CGNL1: variants seen among roughly 807,000 people sequenced by gnomAD.
CGNL1 encodes the protein cingulin like 1, also known as cingulin-like protein 1.
CGNL1 carries 132 observed loss-of-function variants against 141.2 expected under a neutral mutation model. That is an observed-to-expected ratio of 0.93 (90% CI 0.81 to 1.08). CGNL1 has a LOEUF of 1.08. Among genes scored for constraint, CGNL1 ranks in the 50% least tolerant of loss-of-function variants. The pLI, the probability that CGNL1 is intolerant of heterozygous loss-of-function variation, is 0.00. For synonymous variants in CGNL1, 690 were observed against 622.1 expected (o/e 1.11, Z -1.63); for missense variants, 1,870 against 1,588.6 (o/e 1.18, Z -3.01).
In CGNL1 at chr15:57,483,159, A is replaced by G. The variant is rs78799734; in HGVS notation, c.2403+21267A>G. The stretch of plus-strand genomic sequence containing the variant: ...ATTTTGCTGAAGTTTTGATAGGTTG[A>G]GTATGACTATGTTGAGTATTCCAGT... On this transcript the variant is annotated intron_variant, in intron 8 of 18. Transcript: ENST00000281282. Among the ~76,000 whole-genome samples the G allele has an allele frequency of 8.8e-3, 1,346 of 152,282 alleles. 22 individuals are homozygous for G. The highest frequency in any genetic ancestry group is 0.031 in the African/African-American group (1,279 of 41,558).
intron 8 of CGNL1, among the ~76,000 whole-genome samples, chr15:57,499,173 G>A (rs1265076055): frequency 6.6e-6 from 1 of 151,758 alleles, no homozygotes; most frequent in Non-Finnish European, 1.5e-5. Flanking sequence ...CATGGCAGTG[G>A]TAGAGGTGGA....
At chr15:57,448,151 A>G (rs142059857) in intron 4 of CGNL1, among the ~76,000 whole-genome samples, 2 of 152,160 alleles carry the variant, frequency 1.3e-5, no homozygotes, top group African/African-American at 2.4e-5. Context: ...TACAAAAACC[A>G]TATTTAAAAA....
intron 8 of CGNL1, among the ~76,000 whole-genome samples, chr15:57,469,876 T>C (rs999453318): frequency 6.6e-5 from 10 of 152,214 alleles, no homozygotes; most frequent in Non-Finnish European, 1.2e-4. Flanking sequence ...CTGAAGAGGT[T>C]CTTCCAAAGC....
chr15:57,533,214 G>C (rs1447683805), intron 14 of CGNL1, among the ~76,000 whole-genome samples: 1 of 152,166 alleles, frequency 6.6e-6, no homozygotes, highest in Non-Finnish European at 1.5e-5. Flanking sequence ...AGTGGGTTCT[G>C]TCTGCGTGTT....
chr15:57,416,711 G>A (rs1309329572), intron 1 of CGNL1, among the ~76,000 whole-genome samples: 3 of 152,162 alleles, frequency 2.0e-5, no homozygotes, highest in Non-Finnish European at 2.9e-5. Flanking sequence ...TTGGTTACCT[G>A]GAAACTGCAT....
At chr15:57,409,298 G>C (rs1483058755) in intron 1 of CGNL1, among the ~76,000 whole-genome samples, 1 of 152,216 alleles carries the variant, frequency 6.6e-6, no homozygotes, top group African/African-American at 2.4e-5. Flanking sequence ...GCGCAGGGGA[G>C]GCACATGGGC....
intron 1 of CGNL1, among the ~76,000 whole-genome samples, chr15:57,417,177 C>T (rs868582711): frequency 3.3e-5 from 5 of 152,300 alleles, no homozygotes; most frequent in Middle Eastern, 3.4e-3. Flanking sequence ...TATTACGTAT[C>T]TAGTTTGTTT....
At chr15:57,433,190 A>T (rs975996115) in intron 1 of CGNL1, among the ~76,000 whole-genome samples, 2 of 152,196 alleles carry the variant, frequency 1.3e-5, no homozygotes, top group East Asian at 3.8e-4. Flanking sequence ...AAATATGCCA[A>T]TGCTGCTCAG....
intron 8 of CGNL1, among the ~76,000 whole-genome samples, chr15:57,487,387 G>A (rs993976652): frequency 2.0e-5 from 3 of 152,074 alleles, no homozygotes; most frequent in Non-Finnish European, 4.4e-5. Context: ...AAAAGAGGAG[G>A]ATTGGTTTAT....
chr15:57,477,467 T>C (rs796356252), intron 8 of CGNL1: 138 of 152,306 alleles, frequency 9.1e-4, no homozygotes, highest in African/African-American at 3.3e-3. Context: ...AGTGAGGTTG[T>C]CCGATAGAGT....
At chr15:57,481,311 C>A (rs1419426259) in intron 8 of CGNL1, among the ~76,000 whole-genome samples, 1 of 152,140 alleles carries the variant, frequency 6.6e-6, no homozygotes, top group Non-Finnish European at 1.5e-5. Flanking sequence ...CCGCATTCTT[C>A]ATGTTGTCCT....
chr15:57,414,258 C>G (rs1172448707), intron 1 of CGNL1, among the ~76,000 whole-genome samples: 1 of 152,058 alleles, frequency 6.6e-6, no homozygotes, highest in South Asian at 2.1e-4. Context: ...TCAGAGGCTC[C>G]GAAGAAGGCA....
intron 8 of CGNL1, among the ~76,000 whole-genome samples, chr15:57,476,284 C>G (rs1302705870): frequency 3.9e-5 from 6 of 152,122 alleles, no homozygotes; most frequent in African/African-American, 1.4e-4. Flanking sequence ...AGCAAGGTGA[C>G]TTATGGGTGG....
intron 1 of CGNL1, among the ~76,000 whole-genome samples, chr15:57,390,355 T>C (rs1193938920): frequency 1.3e-5 from 2 of 152,220 alleles, no homozygotes; most frequent in African/African-American, 4.8e-5. Context: ...CAAGCAGAAA[T>C]GCTGGAAGCC....
intron 4 of CGNL1, among the ~76,000 whole-genome samples, chr15:57,448,124 T>C (rs1275958219): frequency 6.6e-6 from 1 of 151,840 alleles, no homozygotes; most frequent in East Asian, 1.9e-4. Flanking sequence ...CTGAGCAACA[T>C]AGTGAGATCC....
At chr15:57,524,263 C>T (rs757534321) in intron 11 of CGNL1, among the ~76,000 whole-genome samples, 2 of 152,208 alleles carry the variant, frequency 1.3e-5, no homozygotes, top group Non-Finnish European at 2.9e-5. Context: ...GATATGATTT[C>T]GGTGTTTCCA....
intron 8 of CGNL1, among the ~76,000 whole-genome samples, chr15:57,482,763 A>G (rs1026519972): frequency 3.3e-5 from 5 of 150,648 alleles, no homozygotes; most frequent in Admixed American, 1.3e-4. Context: ...TATTCTAGTT[A>G]CTTTACCTTT....
chr15:57,546,846 G>T (rs1462411786), intron 18 of CGNL1, among the ~76,000 whole-genome samples: 1 of 152,080 alleles, frequency 6.6e-6, no homozygotes, highest in Non-Finnish European at 1.5e-5. Flanking sequence ...GTGACGTGGG[G>T]CTCTTTGCTG....
In CGNL1 at chr15:57,545,631, G is replaced by A. The variant is rs1214336229; in HGVS notation, c.3540G>A (p.Glu1180=). ...TTCAGCTCAGCAACCGGCGGCTGGA[G>A]CGGAAAGTGAAGGAGCTGGTGATGC... ...ANLQLSNRRL[E]RKVKELVMQV... Residue 1180 remains glutamate (E), a synonymous_variant, in exon 17 of 19, where the codon GAG becomes GAA. Transcript: ENST00000281282. 3.1e-6 allele frequency: 5 copies of A among 1,613,812 alleles called. No individual in the cohort carries two copies. Among genetic ancestry groups the A allele is most frequent in the Non-Finnish European group, 4.2e-6 (5 of 1,179,950 alleles).
Sources: gnomAD v4.1 joint callset for allele counts (sites outside exome capture counted in the v4.1 genomes callset) on GRCh38, gnomAD v4.1.1 for gene constraint, MANE v1.5 for transcripts, NCBI Gene and HGNC (gene_info 2026-07-23, HGNC 2026-07-21) for gene names.